The following MACROD2 variants were observed in gnomAD, a reference collection of about 807,000 sequenced individuals.
MACROD2 encodes the protein mono-ADP ribosylhydrolase 2.
In MACROD2, 36 loss-of-function variants were observed where a neutral mutation model predicts 70.4. The ratio of observed to expected loss-of-function variants is 0.51; its 90% confidence interval spans 0.39 to 0.68. The LOEUF (loss-of-function observed/expected upper bound fraction) is 0.68, where lower values mean the gene tolerates loss of function less well. Ranked by LOEUF, MACROD2 falls within the 30% of genes least tolerant of loss-of-function variation. MACROD2 has a pLI of 0.00. For synonymous variants in MACROD2, 172 were observed against 178.8 expected (o/e 0.96, Z 0.30); for missense variants, 496 against 538.4 (o/e 0.92, Z 0.78).
At chr20:15,694,340 G>A (rs2146883371) in intron 8 of MACROD2, among the ~76,000 whole-genome samples, 1 of 148,438 alleles carries the variant, frequency 6.7e-6, no homozygotes, top group Non-Finnish European at 1.5e-5. Context: ...CAGCAATGTA[G>A]AAGTGTTCCC....
intron 4 of MACROD2, among the ~76,000 whole-genome samples, chr20:14,637,010 A>G (rs1190844153): frequency 6.6e-6 from 1 of 152,210 alleles, no homozygotes; most frequent in Non-Finnish European, 1.5e-5. Context: ...GTAGATAAAA[A>G]TAATCTCTGA....
At chr20:14,651,040 GGTCTATAGAAT>G (rs1225952885) in intron 4 of MACROD2, among the ~76,000 whole-genome samples, 1 of 152,152 alleles carries the variant, frequency 6.6e-6, no homozygotes, top group East Asian at 1.9e-4. Flanking sequence ...TAGAATATTA[GGTCTATAGAAT>G]GTCAAGAGGG....
At chr20:15,867,230 A>G (rs2064505863) in intron 9 of MACROD2, among the ~76,000 whole-genome samples, 1 of 152,200 alleles carries the variant, frequency 6.6e-6, no homozygotes, top group Non-Finnish European at 1.5e-5. Flanking sequence ...TAAAGATCCT[A>G]TCTCCAAATA....
chr20:14,042,252 A>G lies in MACROD2; in HGVS notation c.163+39848A>G, dbSNP rs982987864. Among the ~76,000 whole-genome samples, 4 of 152,260 alleles carry G rather than the reference A, an allele frequency of 2.6e-5. No individual in the cohort carries two copies. The East Asian group carries it at 7.7e-4, about 29-fold the overall frequency. ...TTGATTCCACAGCTGCTCTCTGAAC[A>G]TTTGTTGACCTAGAGGCTTGCAGTT... On this transcript the variant is annotated intron_variant, in intron 2 of 17. Transcript: ENST00000684519.
intron 8 of MACROD2, among the ~76,000 whole-genome samples, chr20:15,704,140 G>GCTTA (rs1555866425): frequency 6.6e-6 from 1 of 150,990 alleles, no homozygotes; most frequent in Non-Finnish European, 1.5e-5. Flanking sequence ...ATGTTTGTTT[G>GCTTA]TTTATTTATT....
chr20:14,912,588 C>T (rs764493164), intron 5 of MACROD2, among the ~76,000 whole-genome samples: 2 of 152,094 alleles, frequency 1.3e-5, no homozygotes, highest in Non-Finnish European at 2.9e-5. Flanking sequence ...TGAAGAATGA[C>T]TTCAGACAGT....
At chr20:14,557,866 A>G (rs868757601) in intron 4 of MACROD2, among the ~76,000 whole-genome samples, 1 of 151,804 alleles carries the variant, frequency 6.6e-6, no homozygotes, top group African/African-American at 2.4e-5. Flanking sequence ...TGGCAATTCT[A>G]CTCATAGGTA....
At chr20:15,400,888 T>C (rs1298367735) in intron 6 of MACROD2, among the ~76,000 whole-genome samples, 1 of 152,142 alleles carries the variant, frequency 6.6e-6, no homozygotes, top group Non-Finnish European at 1.5e-5. Flanking sequence ...GGCCTCTCAT[T>C]TGTGCCCCAT....
chr20:14,387,652 C>G (rs2083483065), intron 3 of MACROD2, among the ~76,000 whole-genome samples: 1 of 152,232 alleles, frequency 6.6e-6, no homozygotes, highest in Non-Finnish European at 1.5e-5. Flanking sequence ...TTATTGTCCA[C>G]TCTAGCACCA....
At chr20:14,759,735 G>A (rs204098) in intron 5 of MACROD2, among the ~76,000 whole-genome samples, 11,091 of 152,112 alleles carry the variant, frequency 0.073, 485 homozygotes, top group Middle Eastern at 0.21. Context: ...AAATCAGGAC[G>A]TAGATACGCA....
chr20:14,936,731 C>T (rs993126715), intron 5 of MACROD2, among the ~76,000 whole-genome samples: 7 of 152,246 alleles, frequency 4.6e-5, no homozygotes, highest in African/African-American at 1.4e-4. Flanking sequence ...GTAAATTCAC[C>T]TGTGCCTGGC....
At position 15,006,393 on chromosome 20, in the gene MACROD2, A is replaced by C. The variant is rs1004054263; in HGVS notation, c.419-223547A>C. 3.6e-4 allele frequency among the ~76,000 whole-genome samples: 55 copies of C among 152,052 alleles called. 3 individuals carry two copies. Among genetic ancestry groups the C allele is most frequent in the Admixed American group, 6.6e-5 (1 of 15,252 alleles). On this transcript the variant is annotated intron_variant, in intron 5 of 17. Transcript: ENST00000684519. ...GTTGGTCAAAGGGTACAAACTTGTA[A>C]TTATAAAATGAGTAGGTTCTGGAGA...
intron 5 of MACROD2, among the ~76,000 whole-genome samples, chr20:14,799,272 C>G (rs1272574823): frequency 1.3e-5 from 2 of 151,792 alleles, no homozygotes; most frequent in Non-Finnish European, 2.9e-5. Flanking sequence ...TGATGAAGCC[C>G]TTACTTATTA....
At chr20:15,041,966 A>T (rs940991187) in intron 5 of MACROD2, among the ~76,000 whole-genome samples, 3 of 152,226 alleles carry the variant, frequency 2.0e-5, no homozygotes. Context: ...CATGTCATAC[A>T]TGCCAAGCAG....
intron 5 of MACROD2, among the ~76,000 whole-genome samples, chr20:15,051,334 G>A (rs1262268257): frequency 6.8e-6 from 1 of 146,220 alleles, no homozygotes; most frequent in Non-Finnish European, 1.5e-5. Flanking sequence ...GAAATCAGTA[G>A]GAGATGTGTG....
At chr20:15,449,934 A>G (rs1235069765) in intron 7 of MACROD2, among the ~76,000 whole-genome samples, 3 of 152,198 alleles carry the variant, frequency 2.0e-5, no homozygotes, top group African/African-American at 4.8e-5. Flanking sequence ...CAGAGGTTTC[A>G]GTGAGAGCAA....
At chr20:15,211,875 G>T (rs1436267120) in intron 5 of MACROD2, among the ~76,000 whole-genome samples, 1 of 152,162 alleles carries the variant, frequency 6.6e-6, no homozygotes, top group East Asian at 1.9e-4. Flanking sequence ...CAGTTCTCTT[G>T]GGTAGATCCT....
At chr20:15,975,502 A>G (rs1012698575) in intron 13 of MACROD2, among the ~76,000 whole-genome samples, 1 of 152,202 alleles carries the variant, frequency 6.6e-6, no homozygotes, top group Non-Finnish European at 1.5e-5. Flanking sequence ...CTCACCCATA[A>G]CGTGGAATAT....
rs191396259 is a variant in MACROD2, at chr20:14,848,767, T to C, written c.418+163808T>C. Among the ~76,000 whole-genome samples, 904 of 152,320 alleles carry C rather than the reference T, an allele frequency of 5.9e-3. 9 individuals are homozygous for C. Among genetic ancestry groups the C allele is most frequent in the African/African-American group, 0.021 (862 of 41,570 alleles). On this transcript the variant is annotated intron_variant, in intron 5 of 17. Coordinates refer to ENST00000684519, the MANE Select transcript of MACROD2 (RefSeq NM_001351661.2). ...GCTGACAATCCCCTTTTTAAAATAA[T>C]GATTATTAATTTTATGAGTAGATTA...
Sources: gnomAD v4.1 joint callset for allele counts (sites outside exome capture counted in the v4.1 genomes callset) on GRCh38, gnomAD v4.1.1 for gene constraint, MANE v1.5 for transcripts, NCBI Gene and HGNC (gene_info 2026-07-23, HGNC 2026-07-21) for gene names.